Variants in TENM2 observed in about 807,000 individuals in gnomAD.
The protein encoded by TENM2 is teneurin-2.
Under a neutral mutation model 245.2 loss-of-function variants are expected in TENM2, and 52 were observed. That is an observed-to-expected ratio of 0.21 (90% CI 0.17 to 0.27). TENM2 has a LOEUF of 0.27. Among genes scored for constraint, TENM2 ranks in the 10% least tolerant of loss-of-function variants. The pLI, the probability that TENM2 is intolerant of heterozygous loss-of-function variation, is 1.00. For missense variants in TENM2, 3,046 were observed against 3,666.8 expected, an observed-to-expected ratio of 0.83 and a Z score of 4.37; for synonymous variants, 1,363 against 1,438.9, an observed-to-expected ratio of 0.95 and a Z score of 1.19.
chr5:167,078,630 C>T, the TENM2 span, among the ~76,000 whole-genome samples: 1 of 152,152 alleles, frequency 6.6e-6, no homozygotes, highest in Non-Finnish European at 1.5e-5. Context: ...CTTAAAGTCT[C>T]TGTGAACACA....
chr5:168,054,698 G>T (rs1224434074), intron 6 of TENM2, among the ~76,000 whole-genome samples: 1 of 152,174 alleles, frequency 6.6e-6, no homozygotes, highest in Admixed American at 6.5e-5. Context: ...TGTAGCTATG[G>T]AAGGCTGTCA....
Position 167,340,403 on chromosome 5 carries a change from T to C in TENM2, c.227-34795T>C, listed in dbSNP as rs184596114. ...ACAAGAGAAATTTATTTTTTAACAG[T>C]TCTGGAAGTCCAAGATCAGGGTCCC... On this transcript the variant is annotated intron_variant, in intron 1 of 28. Transcript: ENST00000518659. Among the ~76,000 whole-genome samples the C allele has an allele frequency of 1.5e-3, 231 of 152,326 alleles. 1 individual carries two copies. Among genetic ancestry groups the C allele is most frequent in the African/African-American group, 5.3e-3 (219 of 41,572 alleles).
chr5:167,840,383 G>A (rs908745390), intron 2 of TENM2, among the ~76,000 whole-genome samples: 2 of 152,188 alleles, frequency 1.3e-5, no homozygotes, highest in Non-Finnish European at 1.5e-5. Flanking sequence ...AGAGAGAAAT[G>A]ATGGGAGAAA....
At chr5:167,895,126 A>G (rs1180910705) in intron 3 of TENM2, among the ~76,000 whole-genome samples, 2 of 152,158 alleles carry the variant, frequency 1.3e-5, no homozygotes, top group African/African-American at 4.8e-5. Context: ...TGTTTATGTG[A>G]ACTGAGACTT....
intron 2 of TENM2, among the ~76,000 whole-genome samples, chr5:167,763,597 A>G (rs1370225603): frequency 6.6e-6 from 1 of 152,202 alleles, no homozygotes; most frequent in Non-Finnish European, 1.5e-5. Context: ...ATTGCCCAGC[A>G]TTGTCTAAGA....
chr5:167,863,693 A>G (rs1772047662), intron 2 of TENM2, among the ~76,000 whole-genome samples: 1 of 152,136 alleles, frequency 6.6e-6, no homozygotes, highest in South Asian at 2.1e-4. Flanking sequence ...ATGTCATAGT[A>G]CAATAAGATG....
chr5:167,997,159 C>T (rs1323503211), intron 5 of TENM2, among the ~76,000 whole-genome samples: 8 of 152,136 alleles, frequency 5.3e-5, no homozygotes, highest in Admixed American at 3.3e-4. Flanking sequence ...ACACCGAGGC[C>T]CAGAGAGTCT....
intron 1 of TENM2, among the ~76,000 whole-genome samples, chr5:167,340,016 A>C (rs1314816363): frequency 6.6e-6 from 1 of 152,210 alleles, no homozygotes; most frequent in South Asian, 2.1e-4. Flanking sequence ...AAACACACTA[A>C]GACACATTTC....
At chr5:167,600,118 G>GA (rs1482334340) in intron 2 of TENM2, among the ~76,000 whole-genome samples, 1 of 26,206 alleles carries the variant, frequency 3.8e-5, no homozygotes, top group Non-Finnish European at 1.0e-4. Flanking sequence ...ACTCAGAGGA[G>GA]AAAAAGTCTT....
intron 2 of TENM2, among the ~76,000 whole-genome samples, chr5:167,694,077 T>G (rs1757606467): frequency 6.6e-6 from 1 of 152,210 alleles, no homozygotes; most frequent in Non-Finnish European, 1.5e-5. Flanking sequence ...ATTTTAGTAT[T>G]ATCAGAAATG....
At chr5:167,631,054 G>A (rs1380043332) in intron 2 of TENM2, among the ~76,000 whole-genome samples, 4 of 152,162 alleles carry the variant, frequency 2.6e-5, no homozygotes, top group Non-Finnish European at 1.5e-5. Flanking sequence ...TCTACCGTGT[G>A]CGATATGCTT....
chr5:168,017,861 G>A (rs532367741), intron 5 of TENM2, among the ~76,000 whole-genome samples: 9 of 152,156 alleles, frequency 5.9e-5, no homozygotes, highest in African/African-American at 1.4e-4. Flanking sequence ...GCCCTTCATC[G>A]TTGATGTCAT....
the TENM2 span, among the ~76,000 whole-genome samples, chr5:167,044,222 G>C: frequency 1.1e-4 from 17 of 152,140 alleles, no homozygotes; most frequent in Admixed American, 9.2e-4. Flanking sequence ...TGGTGTATTA[G>C]AGAGAATCTG....
chr5:167,108,507 C>T, the TENM2 span, among the ~76,000 whole-genome samples: 3 of 152,222 alleles, frequency 2.0e-5, no homozygotes, highest in African/African-American at 7.2e-5. Context: ...GCTACAAGCC[C>T]TACTTGCATT....
chr5:168,029,999 G>A (rs1581106094), intron 5 of TENM2, among the ~76,000 whole-genome samples: 1 of 152,144 alleles, frequency 6.6e-6, no homozygotes, highest in East Asian at 1.9e-4. Flanking sequence ...CATACAAGAG[G>A]CACTGCTGAG....
At chr5:168,067,277 A>G (rs1007721011) in intron 7 of TENM2, among the ~76,000 whole-genome samples, 1 of 152,168 alleles carries the variant, frequency 6.6e-6, no homozygotes, top group Non-Finnish European at 1.5e-5. Context: ...AGATGCTGGT[A>G]CCCCCTAATG....
chr5:167,370,619 G>A (rs553667660), intron 1 of TENM2, among the ~76,000 whole-genome samples: 2 of 152,320 alleles, frequency 1.3e-5, no homozygotes, highest in Non-Finnish European at 1.5e-5. Context: ...AATGTACCAT[G>A]GGGCCACACT....
At chr5:167,209,536 G>A in the TENM2 span, among the ~76,000 whole-genome samples, 1 of 152,126 alleles carries the variant, frequency 6.6e-6, no homozygotes, top group Non-Finnish European at 1.5e-5. Flanking sequence ...TTACAGGTTT[G>A]AGCCACCACA....
intron 3 of TENM2, among the ~76,000 whole-genome samples, chr5:167,910,034 G>A (rs1382456405): frequency 4.0e-5 from 6 of 151,700 alleles, no homozygotes; most frequent in Non-Finnish European, 8.8e-5. Flanking sequence ...TTGTCTCTTA[G>A]GACTTCCACA....
Sources: allele counts gnomAD v4.1 joint callset (sites outside exome capture counted in the v4.1 genomes callset), GRCh38; gene constraint gnomAD v4.1.1; transcripts MANE v1.5; gene names NCBI Gene and HGNC (gene_info 2026-07-23, HGNC 2026-07-21).